ARL14EPL: variants seen among roughly 807,000 people sequenced by gnomAD.
The protein encoded by ARL14EPL is ARL14 effector protein-like.
A neutral mutation model predicts 15.9 loss-of-function variants in ARL14EPL; 17 were observed. The observed-to-expected ratio is 1.07, with a 90% CI of 0.73 to 1.60. The LOEUF (loss-of-function observed/expected upper bound fraction) is 1.60. Among genes scored for constraint, ARL14EPL ranks in the 40% most tolerant of loss-of-function variants. ARL14EPL has a pLI of 0.00. For synonymous variants in ARL14EPL, 78 were observed against 63.8 expected, an observed-to-expected ratio of 1.22 and a Z score of -1.06; for missense variants, 214 against 185.9, an observed-to-expected ratio of 1.15 and a Z score of -0.88.
At chr5:116,044,917 C>A (rs1202636282) in intron 1 of ARL14EPL, among the ~76,000 whole-genome samples, 2 of 152,132 alleles carry the variant, frequency 1.3e-5, no homozygotes, top group Admixed American at 1.3e-4. Flanking sequence ...TTCCAGTATT[C>A]TTTCCTTCTT....
rs1342316132 is a variant in ARL14EPL, at chr5:116,058,969, T to C, written c.*22T>C. On this transcript the variant is annotated 3_prime_UTR_variant, in exon 4 of 4. Transcript: ENST00000686077. The stretch of plus-strand genomic sequence containing the variant: ...CTAGGTGCTCTTGTATATGGACTGA[T>C]TTGTTTCTTCTTCTTACACATTTAA... 1 of 1,526,448 alleles carries C rather than the reference T, an allele frequency of 6.6e-7. No homozygotes were observed. Among genetic ancestry groups the C allele is most frequent in the East Asian group, 2.5e-5 (1 of 40,698 alleles). The allele number at this position is 1,526,448 out of a possible 1,614,324, so 94.6% of individuals were successfully genotyped here. A position where few individuals can be genotyped will look rare whatever the true frequency, so the allele number is the denominator to read the frequency against.
At chr5:116,053,590 C>T (rs1749446832) in intron 2 of ARL14EPL, among the ~76,000 whole-genome samples, 2 of 152,196 alleles carry the variant, frequency 1.3e-5, no homozygotes, top group South Asian at 4.1e-4. Context: ...GCCGGATCTA[C>T]TTTGGGTTCT....
At chr5:116,039,063 G>A (rs2112667407) in intron 1 of ARL14EPL, among the ~76,000 whole-genome samples, 1 of 152,280 alleles carries the variant, frequency 6.6e-6, no homozygotes, top group Middle Eastern at 3.4e-3. Flanking sequence ...AAGGTGGGTG[G>A]CAGTCAGCTC....
chr5:116,047,520 ACTG>A (rs1023509801), intron 1 of ARL14EPL, among the ~76,000 whole-genome samples: 2 of 152,246 alleles, frequency 1.3e-5, no homozygotes, highest in Non-Finnish European at 2.9e-5. Context: ...AGAAAATTGT[ACTG>A]CTTAGGTTCA....
At chr5:116,052,076 G>A in intron 2 of ARL14EPL, 1 of 1,613,172 alleles carries the variant, frequency 6.2e-7, no homozygotes, top group South Asian at 1.1e-5. Flanking sequence ...AGAGACCACA[G>A]CTGGGGTTAT....
intron 2 of ARL14EPL, chr5:116,052,236 T>C: frequency 2.5e-6 from 4 of 1,601,768 alleles, no homozygotes; most frequent in Middle Eastern, 1.7e-4. Context: ...TCTTTGTTTT[T>C]CTTGGCTGAC....
chr5:116,032,683 G>C (rs1053796552), intron 1 of ARL14EPL, among the ~76,000 whole-genome samples, 178 bp downstream of exon 1: 1 of 152,172 alleles, frequency 6.6e-6, no homozygotes. Flanking sequence ...AAAAACCGTA[G>C]TGTATATAGA....
At chr5:116,040,393 G>T (rs951972465) in intron 1 of ARL14EPL, among the ~76,000 whole-genome samples, 5 of 150,914 alleles carry the variant, frequency 3.3e-5, no homozygotes, top group Admixed American at 3.3e-4. Context: ...AATTATAGCC[G>T]TTTGGTATAT....
chr5:116,039,319 A>T (rs1362534656), intron 1 of ARL14EPL, among the ~76,000 whole-genome samples: 3 of 152,200 alleles, frequency 2.0e-5, no homozygotes, highest in Non-Finnish European at 4.4e-5. Flanking sequence ...AAGATCACAG[A>T]TTAAACAGAA....
intron 1 of ARL14EPL, among the ~76,000 whole-genome samples, chr5:116,033,503 C>T (rs1748995533): frequency 6.6e-6 from 1 of 152,074 alleles, no homozygotes; most frequent in African/African-American, 2.4e-5. Context: ...GGGGACATAA[C>T]TTCATCATAA....
At chr5:116,045,516 G>GGTGTAGTAGAGAGGCCCTTTTA (rs1749250291) in intron 1 of ARL14EPL, among the ~76,000 whole-genome samples, 1 of 152,124 alleles carries the variant, frequency 6.6e-6, no homozygotes. Flanking sequence ...GTACAAATAA[G>GGTGTAGTAGAGAGGCCCTTTTA]GTGTAGTAGA....
At chr5:116,046,596 G>T (rs1749272652) in intron 1 of ARL14EPL, among the ~76,000 whole-genome samples, 1 of 152,142 alleles carries the variant, frequency 6.6e-6, no homozygotes, top group South Asian at 2.1e-4. Flanking sequence ...AGGCTTAAAA[G>T]TAAACATCAT....
intron 1 of ARL14EPL, among the ~76,000 whole-genome samples, chr5:116,045,764 G>GTGTGTGTGTGTGTGTGTGTGTGTGTA (rs1297509066): frequency 2.1e-4 from 21 of 101,740 alleles, no homozygotes; most frequent in African/African-American, 5.6e-4. Context: ...GTGTGTGTGT[G>GTGTGTGTGTGTGTGTGTGTGTGTGTA]TGTGTGTGTG....
chr5:116,050,780 A>ATCTCTCTCTCTCTCTC (rs141191776), intron 1 of ARL14EPL, among the ~76,000 whole-genome samples: 16 of 128,864 alleles, frequency 1.2e-4, no homozygotes, highest in Admixed American at 6.5e-4. Context: ...TATGGGCTCC[A>ATCTCTCTCTCTCTCTC]TCTCTCTCTC....
At chr5:116,040,307 G>A (rs1192552100) in intron 1 of ARL14EPL, among the ~76,000 whole-genome samples, 2 of 150,926 alleles carry the variant, frequency 1.3e-5, no homozygotes, top group Non-Finnish European at 2.9e-5. Context: ...TATACCAAAT[G>A]GCTATAATAG....
intron 1 of ARL14EPL, among the ~76,000 whole-genome samples, chr5:116,047,095 G>A (rs1749283006): frequency 6.6e-6 from 1 of 152,180 alleles, no homozygotes; most frequent in African/African-American, 2.4e-5. Flanking sequence ...AGAGATACGA[G>A]AAATAAATGT....
At chr5:116,058,683 A>C in intron 3 of ARL14EPL, 42 bp from the exon 4 acceptor site, 1 of 1,502,948 alleles carries the variant, frequency 6.7e-7, no homozygotes, top group Non-Finnish European at 8.9e-7. Flanking sequence ...AATGTTGAGG[A>C]TGATTGCACT....
At chr5:116,046,119 C>T (rs1478869896) in intron 1 of ARL14EPL, among the ~76,000 whole-genome samples, 4 of 152,146 alleles carry the variant, frequency 2.6e-5, no homozygotes, top group Non-Finnish European at 5.9e-5. Context: ...AGTATAGGAA[C>T]TCAGACTAGA....
At position 116,058,749 on chromosome 5, in the gene ARL14EPL, T is replaced by G. The variant is rs894489540; in HGVS notation, c.261T>G (p.Ser87Arg). ...GAATAATGAGGAAGTATGACAAAAG[T>G]GGCAGGCTCATCTGTAATGACGCTG... ...KYKIMRKYDK[S>R]GRLICNDADL... Residue 87 changes from serine (S) to arginine (R), a missense_variant, in exon 4 of 4, where the codon AGT (serine) becomes AGG (arginine). Coordinates refer to ENST00000686077, the MANE Select transcript of ARL14EPL (RefSeq NM_001195581.2). The G allele has an allele frequency of 1.3e-6, 2 of 1,535,176 alleles. No individual in the cohort carries two copies. Among genetic ancestry groups the G allele is most frequent in the Non-Finnish European group, 1.7e-6 (2 of 1,146,914 alleles).
Sources: gnomAD v4.1 joint callset for allele counts (sites outside exome capture counted in the v4.1 genomes callset) on GRCh38, gnomAD v4.1.1 for gene constraint, MANE v1.5 for transcripts, NCBI Gene and HGNC (gene_info 2026-07-23, HGNC 2026-07-21) for gene names.